SIL1: variants seen among roughly 807,000 people sequenced by gnomAD.
SIL1 encodes the protein SIL1 nucleotide exchange factor, also known as nucleotide exchange factor SIL1.
A neutral mutation model predicts 49.1 loss-of-function variants in SIL1; 40 were observed. That is an observed-to-expected ratio of 0.81 (90% CI 0.63 to 1.06). The LOEUF is 1.06. Among genes scored for constraint, SIL1 ranks in the 50% least tolerant of loss-of-function variants. The probability of loss-of-function intolerance (pLI) is 0.00; values close to 1 mark genes in which losing one functional copy is unlikely to be tolerated. For missense variants in SIL1, 500 were observed against 572.6 expected, an observed-to-expected ratio of 0.87 and a Z score of 1.29; for synonymous variants, 253 against 250.8, an observed-to-expected ratio of 1.01 and a Z score of -0.08.
At position 138,948,953 on chromosome 5, in the gene SIL1, C is replaced by T. The variant is rs909702449; in HGVS notation, c.1030-1480G>A. ...CAAAGGCTCCCGCCAGATGCACCCA[C>T]CCAATCGTGGATTTCCCAGCCTCCC... On this transcript the variant is annotated intron_variant, in intron 9 of 9. Transcript: ENST00000394817. The surrounding 1 kb of genome is among the most constrained non-coding windows in gnomAD (Gnocchi z 4.8). 6.6e-6 allele frequency among the ~76,000 whole-genome samples: 1 copy of T among 152,232 alleles called. No individual in the cohort carries two copies. The highest frequency in any genetic ancestry group is 1.5e-5 in the Non-Finnish European group (1 of 68,040).
intron 1 of SIL1, among the ~76,000 whole-genome samples, chr5:139,187,115 A>T (rs945644324): frequency 2.0e-5 from 3 of 152,208 alleles, no homozygotes; most frequent in Non-Finnish European, 2.9e-5. Flanking sequence ...AGAGACAAAC[A>T]TCATACCATA....
chr5:139,183,533 G>A (rs997285353), intron 1 of SIL1, among the ~76,000 whole-genome samples: 4 of 152,192 alleles, frequency 2.6e-5, no homozygotes, highest in African/African-American at 9.7e-5. Flanking sequence ...GCTCCTAATG[G>A]AGGTGAATAC....
chr5:139,113,199 C>G (rs1770910226), intron 3 of SIL1, among the ~76,000 whole-genome samples: 3 of 152,124 alleles, frequency 2.0e-5, no homozygotes, highest in Admixed American at 2.0e-4. Context: ...AACCAGAAAC[C>G]TTTGTTCACT....
At chr5:139,169,189 G>T (rs1207648587) in intron 1 of SIL1, among the ~76,000 whole-genome samples, 1 of 152,138 alleles carries the variant, frequency 6.6e-6, no homozygotes, top group East Asian at 1.9e-4. Context: ...ATCTACATGT[G>T]TAAGGAAAAT....
At chr5:139,077,662 A>T (rs1376139171) in intron 3 of SIL1, among the ~76,000 whole-genome samples, 4 of 152,160 alleles carry the variant, frequency 2.6e-5, no homozygotes, top group African/African-American at 9.7e-5. Flanking sequence ...GAAAACCTCA[A>T]CCTGAAAGGG....
At chr5:139,153,298 C>G (rs1751344158) in intron 1 of SIL1, among the ~76,000 whole-genome samples, 1 of 152,106 alleles carries the variant, frequency 6.6e-6, no homozygotes, top group South Asian at 2.1e-4. Context: ...AGGCCTTCCC[C>G]AACCCTCCCC....
At chr5:139,150,035 C>G (rs915442324) in intron 1 of SIL1, among the ~76,000 whole-genome samples, 3 of 152,348 alleles carry the variant, frequency 2.0e-5, no homozygotes, top group African/African-American at 7.2e-5. Flanking sequence ...TTTGTGACCT[C>G]TGATTATGAA....
chr5:139,170,747 C>A (rs1751740420), intron 1 of SIL1, among the ~76,000 whole-genome samples: 1 of 151,884 alleles, frequency 6.6e-6, no homozygotes, highest in South Asian at 2.1e-4. Context: ...AGCGTCTCCG[C>A]CCGGCAGCCA....
chr5:139,084,871 C>G (rs1770177796), intron 3 of SIL1, among the ~76,000 whole-genome samples: 1 of 152,130 alleles, frequency 6.6e-6, no homozygotes, highest in Non-Finnish European at 1.5e-5. Flanking sequence ...CATCATTTCT[C>G]AAGTATAGTA....
At chr5:138,991,353 G>A (rs1371139471) in intron 7 of SIL1, among the ~76,000 whole-genome samples, 3 of 152,250 alleles carry the variant, frequency 2.0e-5, no homozygotes, top group Non-Finnish European at 2.9e-5. Context: ...GTGAAATGCA[G>A]TAGGGGCTGG....
chr5:139,018,737 A>AG (rs1420470860), intron 7 of SIL1, among the ~76,000 whole-genome samples: 1 of 152,222 alleles, frequency 6.6e-6, no homozygotes, highest in Non-Finnish European at 1.5e-5. Context: ...CATAGTATAA[A>AG]GGACACATCC....
intron 7 of SIL1, among the ~76,000 whole-genome samples, chr5:138,966,145 A>G (rs887471876): frequency 2.0e-5 from 3 of 152,162 alleles, no homozygotes; most frequent in Non-Finnish European, 4.4e-5. Flanking sequence ...AACAAGTTCA[A>G]TATTGCTAGC....
At position 139,079,393 on chromosome 5, in the gene SIL1, C is replaced by T. The variant is rs368617313; in HGVS notation, c.245-28347G>A. On this transcript the variant is annotated intron_variant, in intron 3 of 9. Transcript: ENST00000394817. ...ATTAGCACTACATCTCTTCTGAGGA[C>T]AAGAATTATGGGTAATTCGCTCTCT... Among the ~76,000 whole-genome samples, 7 of 152,260 alleles carry T rather than the reference C, an allele frequency of 4.6e-5. No individual in the cohort carries two copies. The South Asian group carries it at 1.5e-3, about 32-fold the overall frequency.
intron 1 of SIL1, among the ~76,000 whole-genome samples, chr5:139,147,219 A>G (rs371665682): frequency 1.3e-5 from 2 of 152,136 alleles, no homozygotes; most frequent in Middle Eastern, 3.2e-3. Context: ...TCTTTTCCCA[A>G]GGGGTTTCCA....
At chr5:139,150,081 G>C (rs1467087689) in intron 1 of SIL1, among the ~76,000 whole-genome samples, 1 of 152,172 alleles carries the variant, frequency 6.6e-6, no homozygotes, top group Non-Finnish European at 1.5e-5. Flanking sequence ...GTTAGCTCTT[G>C]CAAACTCTCA....
intron 7 of SIL1, among the ~76,000 whole-genome samples, chr5:138,973,210 A>C (rs1007404539): frequency 9.2e-5 from 14 of 151,618 alleles, no homozygotes; most frequent in African/African-American, 3.4e-4. Flanking sequence ...TTAAAAAAAA[A>C]AAAAAAAAAA....
Position 139,056,322 on chromosome 5 carries a change from C to G in SIL1, c.245-5276G>C, listed in dbSNP as rs1459660945. On this transcript the variant is annotated intron_variant, in intron 3 of 9. Coordinates refer to ENST00000394817, the MANE Select transcript of SIL1 (RefSeq NM_022464.5). The stretch of plus-strand genomic sequence containing the variant: ...GATGTGGGGAGCGCCTCTGCCCTGC[C>G]GCCCCGTCTGGGAGGTGAGGAGCAT... 2.6e-5 allele frequency among the ~76,000 whole-genome samples: 4 copies of G among 151,732 alleles called. No individual in the cohort carries two copies. The South Asian group carries it at 6.3e-4, about 24-fold the overall frequency.
intron 7 of SIL1, among the ~76,000 whole-genome samples, chr5:139,008,712 G>A (rs1192473341): frequency 2.0e-5 from 3 of 150,310 alleles, no homozygotes; most frequent in African/African-American, 4.9e-5. Context: ...CCTTCATTTC[G>A]TTATGTACCC....
chr5:139,018,922 G>A (rs1280472156), intron 7 of SIL1, among the ~76,000 whole-genome samples: 1 of 152,140 alleles, frequency 6.6e-6, no homozygotes, highest in Admixed American at 6.5e-5. Context: ...TTGTCCATGG[G>A]CACACAGATA....
Sources: gnomAD v4.1 joint callset for allele counts (sites outside exome capture counted in the v4.1 genomes callset) on GRCh38, gnomAD v4.1.1 for gene constraint, Gnocchi (gnomAD v3.1) non-coding constraint, MANE v1.5 for transcripts, NCBI Gene and HGNC (gene_info 2026-07-23, HGNC 2026-07-21) for gene names.